Variants in ARGLU1 observed in about 807,000 individuals in gnomAD.
The protein encoded by ARGLU1 is arginine and glutamate rich 1.
In ARGLU1, 9 loss-of-function variants were observed where a neutral mutation model predicts 37.6. The observed-to-expected ratio is 0.24, with a 90% CI of 0.14 to 0.42. The LOEUF (loss-of-function observed/expected upper bound fraction) is 0.42, where lower values mean the gene tolerates loss of function less well. Among genes scored for constraint, ARGLU1 ranks in the 10% least tolerant of loss-of-function variants. The pLI is 1.00. For missense variants in ARGLU1, 211 were observed against 359.2 expected, an observed-to-expected ratio of 0.59 and a Z score of 3.34; for synonymous variants, 166 against 138.5, an observed-to-expected ratio of 1.20 and a Z score of -1.39.
chr13:106,552,176 T>C (rs1335338911), intron 3 of ARGLU1, among the ~76,000 whole-genome samples: 1 of 152,242 alleles, frequency 6.6e-6, no homozygotes, highest in African/African-American at 2.4e-5. Context: ...ACATGGCATA[T>C]CTTTTCTTCT....
chr13:106,548,742 C>T (rs955675340), intron 3 of ARGLU1, among the ~76,000 whole-genome samples: 3 of 151,970 alleles, frequency 2.0e-5, no homozygotes, highest in African/African-American at 7.2e-5. Flanking sequence ...AATCTCTGCC[C>T]TATTTTATTT....
chr13:106,549,444 GAATA>G (rs1880478653), intron 3 of ARGLU1, among the ~76,000 whole-genome samples: 1 of 151,676 alleles, frequency 6.6e-6, no homozygotes, highest in Non-Finnish European at 1.5e-5. Context: ...GATAACCAAT[GAATA>G]AAAAAATGAA....
intron 3 of ARGLU1, 64 bp downstream of exon 3, chr13:106,556,984 C>A: frequency 6.9e-7 from 1 of 1,448,962 alleles, no homozygotes; most frequent in Non-Finnish European, 9.7e-7. Context: ...AATCAATCCA[C>A]AAAATCCGAA....
Position 106,567,604 on chromosome 13 carries a change from T to A in ARGLU1, c.316A>T (p.Lys106Ter). The A allele has an allele frequency of 6.2e-7, 1 of 1,613,184 alleles. No individual in the cohort carries two copies. Among genetic ancestry groups the A allele is most frequent in the Non-Finnish European group, 8.5e-7 (1 of 1,179,478 alleles). The change falls in exon 1 of 4, where the codon AAG becomes TAG. Residue 106 changes from lysine to a stop codon, truncating the protein, a stop_gained. Coordinates refer to ENST00000400198, the MANE Select transcript of ARGLU1 (RefSeq NM_018011.4). LOFTEE classifies it high-confidence loss of function. This position sits in a 1 kb window ranked among gnomAD's most constrained non-coding sequence, Gnocchi z 4.3. ...DEKQKREEEE[K>*]KAEFERQRKI... ...CGCTGCCGCTCGAACTCCGCTTTCT[T>A]CTCCTCCTCCTCTCGCTTCTGCTTC...
intron 2 of ARGLU1, chr13:106,558,253 T>A: frequency 1.0e-6 from 1 of 983,704 alleles, no homozygotes; most frequent in Non-Finnish European, 1.2e-6. Flanking sequence ...CTGATATAAA[T>A]AAAAATTTCA....
intron 1 of ARGLU1, among the ~76,000 whole-genome samples, chr13:106,561,192 C>T (rs1489215596): frequency 1.3e-5 from 2 of 151,932 alleles, no homozygotes; most frequent in Non-Finnish European, 2.9e-5. Flanking sequence ...GGTATCTTCC[C>T]CAATACTAAA....
chr13:106,547,110 T>C (rs924584741), intron 3 of ARGLU1, among the ~76,000 whole-genome samples: 3 of 152,178 alleles, frequency 2.0e-5, no homozygotes, highest in Non-Finnish European at 4.4e-5. Flanking sequence ...GCCCTCTCTG[T>C]CTAGCTTGCT....
intron 3 of ARGLU1, among the ~76,000 whole-genome samples, chr13:106,546,439 C>G (rs1880391891): frequency 6.6e-6 from 1 of 152,216 alleles, no homozygotes; most frequent in Non-Finnish European, 1.5e-5. Flanking sequence ...GCCATTCTTT[C>G]CTTCTATGGA....
At position 106,558,180 on chromosome 13, in the gene ARGLU1, A is replaced by G. The variant is rs1404705875; in HGVS notation, c.574-1049T>C. The G allele has an allele frequency of 5.1e-6, 5 of 985,160 alleles. No homozygotes were observed. The Admixed American group carries it at 3.1e-4, about 61-fold the overall frequency. 61.0% of individuals were successfully genotyped at this position (985,160 alleles called of 1,614,324 possible). ...CAAATGAAGAGAAAAAAATCTTACT[A>G]TGATTAATAACTCGCTACAAGACAG... On this transcript the variant is annotated intron_variant, in intron 2 of 3. Transcript: ENST00000400198.
chr13:106,561,195 A>G (rs1217847272), intron 1 of ARGLU1, among the ~76,000 whole-genome samples: 2 of 152,184 alleles, frequency 1.3e-5, no homozygotes, highest in African/African-American at 2.4e-5. Context: ...ATCTTCCCCA[A>G]TACTAAAAAA....
Position 106,557,177 on chromosome 13 carries a change from T to TCAATAAAAATAAACA in ARGLU1, c.574-47_574-46insTGTTTATTTTTATTG. 6.8e-7 allele frequency: 1 copy of TCAATAAAAATAAACA among 1,480,550 alleles called. No individual in the cohort carries two copies. The highest frequency in any genetic ancestry group is 9.4e-7 in the Non-Finnish European group (1 of 1,064,532). The allele number at this position is 1,480,550 out of a possible 1,614,324, so 91.7% of individuals were successfully genotyped here. ...AGATATTAGAAAAACAAAATGTTTATTTTTATTGATAAATATTTACTAATC... is the reference window on the plus strand; with the variant it reads ...AGATATTAGAAAAACAAAATGTTTATCAATAAAAATAAACATTTTATTGATAAATATTTACTAATC... On this transcript the variant is annotated intron_variant, in intron 2 of 3. Transcript: ENST00000400198. The surrounding 1 kb of genome is among the most constrained non-coding windows in gnomAD (Gnocchi z 5.0).
At position 106,541,959 on chromosome 13, in the gene ARGLU1, T is replaced by C. The variant is rs1269808915; in HGVS notation, c.*2037A>G. On this transcript the variant is annotated 3_prime_UTR_variant, in exon 4 of 4. Coordinates refer to ENST00000400198, the MANE Select transcript of ARGLU1 (RefSeq NM_018011.4). ...GCAGCACATTAAAGACTGGATGGTG[T>C]ATATTATTCACAATTACATCCTCTT... 6.6e-6 allele frequency: 1 copy of C among 152,084 alleles called. No individual in the cohort carries two copies. Among genetic ancestry groups the C allele is most frequent in the Admixed American group, 6.5e-5 (1 of 15,272 alleles). The allele number at this position is 152,084 out of a possible 1,614,324, so 9.4% of individuals were successfully genotyped here. A position where few individuals can be genotyped will look rare whatever the true frequency, so the allele number is the denominator to read the frequency against.
At chr13:106,558,390 C>T in intron 2 of ARGLU1, 2 of 985,326 alleles carry the variant, frequency 2.0e-6, no homozygotes, top group South Asian at 9.4e-5. Context: ...TTTAATATGT[C>T]AACTTGTCCA....
At chr13:106,560,802 C>G (rs1880779838) in intron 1 of ARGLU1, among the ~76,000 whole-genome samples, 1 of 152,276 alleles carries the variant, frequency 6.6e-6, no homozygotes, top group South Asian at 2.1e-4. Flanking sequence ...CAACCTTTAT[C>G]TTTTGATCAC....
intron 3 of ARGLU1, among the ~76,000 whole-genome samples, chr13:106,546,907 C>T (rs1197521110): frequency 6.6e-6 from 1 of 152,104 alleles, no homozygotes; most frequent in Non-Finnish European, 1.5e-5. Context: ...CCCCAAAGGT[C>T]GCTGTTAGAA....
chr13:106,559,141 G>C, intron 2 of ARGLU1: 4 of 1,335,566 alleles, frequency 3.0e-6, no homozygotes, highest in Non-Finnish European at 3.9e-6. Flanking sequence ...TCCCAAAAAA[G>C]AATGTAAGTC....
chr13:106,542,469 T>G lies in ARGLU1; in HGVS notation c.*1527A>C, dbSNP rs371954251. On this transcript the variant is annotated 3_prime_UTR_variant, in exon 4 of 4. Transcript: ENST00000400198. ...TTCATGCCTATTTAAAATTCTACCT[T>G]TAAAGATCTTTAAACTGATTTTATA... 7.2e-5 allele frequency: 11 copies of G among 152,232 alleles called. No homozygotes were observed. Among genetic ancestry groups the G allele is most frequent in the East Asian group, 5.8e-4 (3 of 5,186 alleles). 9.4% of individuals were successfully genotyped at this position (152,232 alleles called of 1,614,324 possible).
intron 3 of ARGLU1, among the ~76,000 whole-genome samples, chr13:106,547,730 G>A (rs1386895751): frequency 6.6e-6 from 1 of 151,972 alleles, no homozygotes; most frequent in South Asian, 2.1e-4. Context: ...TTAAAAACCC[G>A]TAACTGAGTA....
chr13:106,551,352 T>C (rs1269471802), intron 3 of ARGLU1, among the ~76,000 whole-genome samples: 2 of 152,200 alleles, frequency 1.3e-5, no homozygotes, highest in African/African-American at 4.8e-5. Context: ...CTGCCTTATA[T>C]ACAACTGTAG....
Sources: allele counts gnomAD v4.1 joint callset (sites outside exome capture counted in the v4.1 genomes callset), GRCh38; gene constraint gnomAD v4.1.1; non-coding constraint Gnocchi (gnomAD v3.1); transcripts MANE v1.5; gene names NCBI Gene and HGNC (gene_info 2026-07-23, HGNC 2026-07-21).